The following PPOX variants were observed in gnomAD, a reference collection of about 807,000 sequenced individuals.
The protein encoded by PPOX is variegate porphyria.
Under a neutral mutation model 54.1 loss-of-function variants are expected in PPOX, and 23 were observed. That is an observed-to-expected ratio of 0.43 (90% CI 0.31 to 0.60). The LOEUF is 0.60. PPOX is among the 20% of genes least tolerant of loss of function. The pLI, the probability that PPOX is intolerant of heterozygous loss-of-function variation, is 0.13. For missense variants in PPOX, 512 were observed against 601.1 expected, an observed-to-expected ratio of 0.85 and a Z score of 1.55; for synonymous variants, 224 against 236.1, an observed-to-expected ratio of 0.95 and a Z score of 0.47.
At chr1:161,175,842 AC>A, downstream of PPOX, 1 of 1,614,094 alleles carries the variant, frequency 6.2e-7, no homozygotes, top group Non-Finnish European at 8.5e-7. Flanking sequence ...AGTAGGGCAG[AC>A]CTTGAGGAGC....
chr1:161,171,522 TG>T, downstream of PPOX: 1 of 579,048 alleles, frequency 1.7e-6, no homozygotes, highest in East Asian at 3.0e-5. Flanking sequence ...GGGAGGGGCT[TG>T]GGGTCCAGCC....
chr1:161,173,271 A>G (rs967025826), downstream of PPOX, among the ~76,000 whole-genome samples: 1 of 152,198 alleles, frequency 6.6e-6, no homozygotes, highest in Admixed American at 6.5e-5. Flanking sequence ...CCTCTCTCCT[A>G]ACCCCATAGG....
chr1:161,170,498 C>G lies in PPOX; in HGVS notation c.1077C>G (p.Ser359Arg). Residue 359 changes from serine (S) to arginine (R), a missense_variant, in exon 10 of 13, where the codon AGC (serine) becomes AGG (arginine). Coordinates refer to ENST00000367999, the MANE Select transcript of PPOX (RefSeq NM_001122764.3). The stretch of plus-strand genomic sequence containing the variant: ...TTGCTTTCCCTGAGCAGGACGGGAG[C>G]CCCCCTGGCCTCAGAGTGACTGTGA... The part of the protein sequence containing the change: ...DSVAFPEQDG[S>R]PPGLRVTVML... 1 of 1,614,124 alleles carries G rather than the reference C, an allele frequency of 6.2e-7. No homozygotes were observed. The highest frequency in any genetic ancestry group is 1.1e-5 in the South Asian group (1 of 91,078).
intron 5 of PPOX, 66 bp from the exon 6 acceptor site, chr1:161,168,366 A>C: frequency 6.2e-7 from 1 of 1,608,722 alleles, no homozygotes; most frequent in Non-Finnish European, 8.5e-7. Flanking sequence ...CCTACCAAAT[A>C]GGGGCTGTGG....
At chr1:161,172,793 C>T (rs1371382912), downstream of PPOX, among the ~76,000 whole-genome samples, 1 of 149,576 alleles carries the variant, frequency 6.7e-6, no homozygotes, top group Non-Finnish European at 1.5e-5. Flanking sequence ...TTTTGGATGC[C>T]AAGGCAGAAG....
chr1:161,171,784 G>A, downstream of PPOX: 8 of 1,610,388 alleles, frequency 5.0e-6, no homozygotes, highest in Non-Finnish European at 5.9e-6. Context: ...CATGAATTCG[G>A]TTTCATGATT....
chr1:161,177,131 C>A, downstream of PPOX: 1 of 1,480,696 alleles, frequency 6.8e-7, no homozygotes, highest in Non-Finnish European at 9.1e-7. Flanking sequence ...AGAGGGAGAG[C>A]AGGGGCAGAG....
At chr1:161,168,255 C>A in intron 5 of PPOX, 128 bp downstream of exon 5, 4 of 1,547,294 alleles carry the variant, frequency 2.6e-6, no homozygotes, top group Non-Finnish European at 3.6e-6. Context: ...ATACCCCACC[C>A]CCTCATAATT....
downstream of PPOX, chr1:161,171,303 G>A (rs891046515): frequency 2.1e-5 from 31 of 1,464,838 alleles, no homozygotes; most frequent in Admixed American, 5.2e-5. Flanking sequence ...CAGAAAGCAG[G>A]AGCAGATGCG....
chr1:161,166,180 T>C, upstream of PPOX: 1 of 982,086 alleles, frequency 1.0e-6, no homozygotes, highest in Non-Finnish European at 1.2e-6. Flanking sequence ...CCTGGTAAGC[T>C]TGTGCTGGGG....
chr1:161,171,352 G>A, downstream of PPOX: 1 of 1,118,058 alleles, frequency 8.9e-7, no homozygotes, highest in East Asian at 2.6e-5. Context: ...CAAAATCCCA[G>A]CCCCCTGAGC....
chr1:161,172,030 G>A (rs775022821), downstream of PPOX: 6 of 1,614,200 alleles, frequency 3.7e-6, no homozygotes, highest in Non-Finnish European at 4.2e-6. Context: ...CAACTGGTAT[G>A]TCAGTGAGTT....
At chr1:161,166,301 C>G, upstream of PPOX, 32 of 1,021,722 alleles carry the variant, frequency 3.1e-5, no homozygotes, top group Non-Finnish European at 3.7e-5. Context: ...CCAGCTCTTA[C>G]AGCTGCCGTC....
chr1:161,167,920 T>G, intron 4 of PPOX, 75 bp from the exon 5 acceptor site: 1 of 1,608,196 alleles, frequency 6.2e-7, no homozygotes, highest in Non-Finnish European at 8.5e-7. Context: ...GCCAAATGAG[T>G]GGAAATGACC....
downstream of PPOX, chr1:161,171,384 T>C: frequency 1.2e-6 from 1 of 862,846 alleles, no homozygotes; most frequent in Non-Finnish European, 1.8e-6. Context: ...GAGGGAGCTA[T>C]TCCAGCATAG....
downstream of PPOX, chr1:161,171,534 C>T (rs1661431600): frequency 8.6e-6 from 5 of 584,730 alleles, no homozygotes; most frequent in Non-Finnish European, 9.0e-6. Flanking sequence ...GGGTCCAGCC[C>T]TGCTCCTACT....
upstream of PPOX, chr1:161,166,252 G>C (rs979446247): frequency 2.3e-5 from 22 of 962,978 alleles, no homozygotes; most frequent in Non-Finnish European, 2.7e-5. Flanking sequence ...TGACGGGTAC[G>C]GCCGCTCACT....
rs41270027 is a variant in PPOX at position 161,169,157 on chromosome 1, A to G, written c.781A>G (p.Ser261Gly). The G allele has an allele frequency of 7.4e-6, 12 of 1,614,012 alleles. No individual in the cohort carries two copies. The South Asian group carries it at 1.1e-4, about 15-fold the overall frequency. ...CAGAGGCCAGCCGGTCTGTGGGCTC[A>G]GCCTCCAGGCAGAAGGGCGCTGGAA... ...VLRGQPVCGLSLQAEGRWKVS... is the reference protein window; with the variant it reads ...VLRGQPVCGLGLQAEGRWKVS... Residue 261 changes from serine to glycine, a missense_variant, in exon 7 of 13, where the codon AGC becomes GGC. Ser to Gly is a moderately conservative substitution (Grantham distance 56). Coordinates refer to ENST00000367999, the MANE Select transcript of PPOX (RefSeq NM_001122764.3).
downstream of PPOX, chr1:161,177,294 C>T (rs1315060169): frequency 1.2e-5 from 7 of 570,770 alleles, no homozygotes; most frequent in African/African-American, 5.6e-5. Flanking sequence ...CGGCCCCCGT[C>T]CATACTTCCA....
Sources: gnomAD v4.1 joint callset for allele counts (sites outside exome capture counted in the v4.1 genomes callset) on GRCh38, gnomAD v4.1.1 for gene constraint, MANE v1.5 for transcripts, NCBI Gene and HGNC (gene_info 2026-07-23, HGNC 2026-07-21) for gene names.